The following SOX5 variants were observed in gnomAD, a reference collection of about 807,000 sequenced individuals.
SOX5 encodes transcription factor SOX-5.
SOX5 carries 9 observed loss-of-function variants against 92.0 expected under a neutral mutation model. That is an observed-to-expected ratio of 0.10 (90% confidence interval 0.06 to 0.17). The LOEUF is 0.17. SOX5 is among the 10% of genes least tolerant of loss of function. The pLI, the probability that SOX5 is intolerant of heterozygous loss-of-function variation, is 1.00. For synonymous variants in SOX5, 344 were observed against 336.3 expected, an observed-to-expected ratio of 1.02 and a Z score of -0.25; for missense variants, 642 against 944.5, an observed-to-expected ratio of 0.68 and a Z score of 4.20.
chr12:23,966,018 T>A (rs1268223449), intron 4 of SOX5, among the ~76,000 whole-genome samples: 1 of 152,010 alleles, frequency 6.6e-6, no homozygotes, highest in Non-Finnish European at 1.5e-5. Context: ...TGTCCATTGC[T>A]TAATGCAGGT....
chr12:24,040,038 C>G (rs1956371535), intron 4 of SOX5, among the ~76,000 whole-genome samples: 1 of 151,794 alleles, frequency 6.6e-6, no homozygotes, highest in South Asian at 2.1e-4. Context: ...TTCTAAATTA[C>G]TTAAAAATTT....
intron 4 of SOX5, among the ~76,000 whole-genome samples, chr12:23,977,765 AG>A (rs1949077682): frequency 1.4e-5 from 2 of 146,018 alleles, no homozygotes; most frequent in Non-Finnish European, 3.0e-5. Context: ...ACCTAAGAAA[AG>A]AAAAAAATAA....
chr12:24,278,931 A>T (rs1394741620), intron 2 of SOX5, among the ~76,000 whole-genome samples: 1 of 150,210 alleles, frequency 6.7e-6, no homozygotes, highest in African/African-American at 2.5e-5. Flanking sequence ...CTGTAAAGAG[A>T]CTACACTACT....
At chr12:23,766,709 A>C (rs1278404613) in intron 3 of SOX5, among the ~76,000 whole-genome samples, 1 of 152,164 alleles carries the variant, frequency 6.6e-6, no homozygotes, top group Non-Finnish European at 1.5e-5. Flanking sequence ...AAATATTATC[A>C]ACAAAAAATC....
At chr12:23,977,783 G>T (rs114671046) in intron 4 of SOX5, among the ~76,000 whole-genome samples, 2 of 127,308 alleles carry the variant, frequency 1.6e-5, no homozygotes, top group African/African-American at 5.2e-5. Flanking sequence ...ATAAATAAAT[G>T]CCTTCCTTGT....
chr12:24,086,555 C>T (rs1944019114), intron 4 of SOX5, among the ~76,000 whole-genome samples: 1 of 151,804 alleles, frequency 6.6e-6, no homozygotes, highest in South Asian at 2.1e-4. Context: ...TTTAAAAATA[C>T]ACTCATGAAG....
At chr12:24,059,673 C>T (rs1939288660) in intron 4 of SOX5, among the ~76,000 whole-genome samples, 1 of 152,164 alleles carries the variant, frequency 6.6e-6, no homozygotes, top group Non-Finnish European at 1.5e-5. Context: ...AACCTGGATT[C>T]ACTCCAAGTT....
At chr12:24,191,835 T>C (rs1298795557) in intron 4 of SOX5, among the ~76,000 whole-genome samples, 1 of 152,160 alleles carries the variant, frequency 6.6e-6, no homozygotes, top group Non-Finnish European at 1.5e-5. Context: ...GGCAAAACTA[T>C]CCAGTATTGG....
At position 24,419,054 on chromosome 12, in the gene SOX5, T is replaced by C. The variant is rs79748531; in HGVS notation, c.-250-50415A>G. Among the ~76,000 whole-genome samples, 404 of 152,274 alleles carry C rather than the reference T, an allele frequency of 2.7e-3. 2 individuals carry two copies. Among genetic ancestry groups the C allele is most frequent in the Non-Finnish European group, 4.4e-3 (297 of 68,036 alleles). ...AAATGTTGTGTGTTTTTTTCTTTCA[T>C]GAACACAAAACACTGGATCCCACAC... On this transcript the variant is annotated intron_variant, in intron 1 of 4. Transcript: ENST00000446891.
intron 3 of SOX5, among the ~76,000 whole-genome samples, chr12:23,775,388 T>C (rs992816213): frequency 6.6e-6 from 1 of 152,260 alleles, no homozygotes; most frequent in Non-Finnish European, 1.5e-5. Flanking sequence ...AGCGAGGAAA[T>C]AAGCCAGGAT....
At chr12:23,665,727 C>T (rs745633605) in intron 6 of SOX5, among the ~76,000 whole-genome samples, 163 bp from the exon 7 acceptor site, 1 of 152,142 alleles carries the variant, frequency 6.6e-6, no homozygotes, top group Non-Finnish European at 1.5e-5. Flanking sequence ...TTGGGACTAC[C>T]TTAAACAGCA....
intron 1 of SOX5, among the ~76,000 whole-genome samples, chr12:24,506,891 C>G (rs1415888010): frequency 1.4e-5 from 2 of 144,212 alleles, no homozygotes; most frequent in East Asian, 4.5e-4. Flanking sequence ...CCCGGGTTCA[C>G]ACCATTCTCC....
At chr12:23,627,563 T>C (rs2077992482) in intron 8 of SOX5, among the ~76,000 whole-genome samples, 1 of 152,138 alleles carries the variant, frequency 6.6e-6, no homozygotes, top group African/African-American at 2.4e-5. Context: ...GGCTGAATGC[T>C]TACACTACGC....
intron 6 of SOX5, among the ~76,000 whole-genome samples, chr12:23,673,088 C>G (rs750113845): frequency 6.6e-6 from 1 of 151,894 alleles, no homozygotes; most frequent in Non-Finnish European, 1.5e-5. Flanking sequence ...TTAAGGGTTG[C>G]AAAAACATGG....
At chr12:23,567,737 T>C (rs1219064726) in intron 10 of SOX5, among the ~76,000 whole-genome samples, 2 of 152,160 alleles carry the variant, frequency 1.3e-5, no homozygotes, top group Non-Finnish European at 2.9e-5. Flanking sequence ...ATTACAGGCA[T>C]GAGCCACCAT....
At chr12:24,136,615 T>G (rs1387295676) in intron 4 of SOX5, among the ~76,000 whole-genome samples, 2 of 152,152 alleles carry the variant, frequency 1.3e-5, no homozygotes, top group African/African-American at 4.8e-5. Context: ...GCTTCAGAAC[T>G]TGTAGCAGTG....
chr12:24,337,931 CAA>C (rs141773020), intron 2 of SOX5, among the ~76,000 whole-genome samples: 1 of 152,076 alleles, frequency 6.6e-6, no homozygotes, highest in Non-Finnish European at 1.5e-5. Flanking sequence ...ATGTGACACA[CAA>C]AATTTTTTTT....
intron 4 of SOX5, among the ~76,000 whole-genome samples, chr12:23,991,685 T>C (rs1950570367): frequency 6.6e-6 from 1 of 150,904 alleles, no homozygotes; most frequent in Non-Finnish European, 1.5e-5. Flanking sequence ...CATTTGATAA[T>C]AAAATAATGT....
chr12:24,397,356 C>A (rs2033749628), intron 1 of SOX5, among the ~76,000 whole-genome samples: 1 of 152,164 alleles, frequency 6.6e-6, no homozygotes, highest in Admixed American at 6.5e-5. Flanking sequence ...AGCATAAGAT[C>A]TTATCGCCTC....
Sources: gnomAD v4.1 joint callset for allele counts (sites outside exome capture counted in the v4.1 genomes callset) on GRCh38, gnomAD v4.1.1 for gene constraint, MANE v1.5 for transcripts, NCBI Gene and HGNC (gene_info 2026-07-23, HGNC 2026-07-21) for gene names.